METTL15: variants seen among roughly 807,000 people sequenced by gnomAD.
METTL15 encodes methyltransferase 15, mitochondrial 12S rRNA N4-cytidine, also known as 12S rRNA N(4)-cytidine methyltransferase METTL15.
A neutral mutation model predicts 38.3 loss-of-function variants in METTL15; 34 were observed. The ratio of observed to expected loss-of-function variants is 0.89; its 90% confidence interval spans 0.68 to 1.18. The LOEUF is 1.18. Ranked by LOEUF, METTL15 falls within the 50% of genes most tolerant of loss-of-function variation. The probability of loss-of-function intolerance (pLI) is 0.00; values close to 1 mark genes in which losing one functional copy is unlikely to be tolerated. For synonymous variants in METTL15, 162 were observed against 170.9 expected (o/e 0.95, Z 0.41); for missense variants, 438 against 498.4 (o/e 0.88, Z 1.15).
intron 6 of METTL15, among the ~76,000 whole-genome samples, chr11:28,479,421 A>G (rs538757827): frequency 6.6e-6 from 1 of 152,264 alleles, no homozygotes; most frequent in South Asian, 2.1e-4. Flanking sequence ...AGATCTTTGT[A>G]TGGTTCCCAT....
chr11:28,141,154 G>A (rs148630545), intron 3 of METTL15, among the ~76,000 whole-genome samples: 28 of 152,186 alleles, frequency 1.8e-4, no homozygotes, highest in African/African-American at 6.7e-4. Flanking sequence ...GGTTTTTAGC[G>A]GTAATTTGGT....
At chr11:28,473,692 C>T (rs772851534) in intron 6 of METTL15, among the ~76,000 whole-genome samples, 5 of 152,086 alleles carry the variant, frequency 3.3e-5, no homozygotes, top group African/African-American at 7.2e-5. Context: ...ATCCAAACTC[C>T]GCAGGAGATA....
Position 28,449,839 on chromosome 11 carries a change from G to A in METTL15, c.*424+25475G>A, listed in dbSNP as rs541164997. On this transcript the variant is annotated intron_variant and NMD_transcript_variant, in intron 6 of 7. Coordinates refer to the METTL15 transcript ENST00000532947. ...GATGAAAAGGGAGAAGAGCCCAGCC[G>A]AGATCAGCCTTCCAGCTGTTCCTGC... Among the ~76,000 whole-genome samples, 9 of 152,278 alleles carry A rather than the reference G, an allele frequency of 5.9e-5. No individual in the cohort carries two copies. The South Asian group carries it at 6.2e-4, about 11-fold the overall frequency.
chr11:28,402,422 G>T (rs1850638207), intron 5 of METTL15, among the ~76,000 whole-genome samples: 1 of 151,814 alleles, frequency 6.6e-6, no homozygotes, highest in South Asian at 2.1e-4. Flanking sequence ...GTGATTCTCT[G>T]ACTTCAGGAT....
chr11:28,303,918 G>A (rs959326097), intron 6 of METTL15, among the ~76,000 whole-genome samples: 5 of 152,096 alleles, frequency 3.3e-5, no homozygotes, highest in African/African-American at 1.2e-4. Flanking sequence ...GTTTCTGTTT[G>A]TGCCACTTAT....
At chr11:28,505,866 C>T (rs1851623700) in intron 6 of METTL15, among the ~76,000 whole-genome samples, 1 of 152,080 alleles carries the variant, frequency 6.6e-6, no homozygotes, top group Admixed American at 6.5e-5. Flanking sequence ...TAGTATGCTC[C>T]TAGGGTTTCC....
chr11:28,409,023 A>G (rs1850700853), intron 5 of METTL15, among the ~76,000 whole-genome samples: 1 of 152,188 alleles, frequency 6.6e-6, no homozygotes, highest in Non-Finnish European at 1.5e-5. Flanking sequence ...GTTCTTTTTT[A>G]GTACATATGG....
intron 3 of METTL15, among the ~76,000 whole-genome samples, chr11:28,118,288 T>TACTACAAAA (rs1852062316): frequency 1.3e-5 from 2 of 152,248 alleles, no homozygotes; most frequent in African/African-American, 4.8e-5. Context: ...CTATGTAGTT[T>TACTACAAAA]ACTACAGATT....
At chr11:28,224,930 G>A (rs1241713457) in intron 4 of METTL15, among the ~76,000 whole-genome samples, 1 of 151,050 alleles carries the variant, frequency 6.6e-6, no homozygotes, top group African/African-American at 2.4e-5. Context: ...ATTTGATTTT[G>A]CGTCTTCACT....
At chr11:28,178,515 A>G (rs188134840) in intron 3 of METTL15, among the ~76,000 whole-genome samples, 1 of 151,002 alleles carries the variant, frequency 6.6e-6, no homozygotes, top group Non-Finnish European at 1.5e-5. Context: ...TCCAGAAAAT[A>G]TCTACCAGTT....
intron 4 of METTL15, among the ~76,000 whole-genome samples, chr11:28,359,960 G>A (rs939331601): frequency 6.6e-6 from 1 of 152,034 alleles, no homozygotes; most frequent in Non-Finnish European, 1.5e-5. Flanking sequence ...TTACCTGCTG[G>A]GTACAGAACA....
intron 4 of METTL15, among the ~76,000 whole-genome samples, chr11:28,240,219 A>G (rs1040281053): frequency 6.6e-6 from 1 of 152,206 alleles, no homozygotes. Context: ...TATATAACAC[A>G]TTCATTCGTT....
At chr11:28,288,500 A>G (rs765424721) in intron 4 of METTL15, among the ~76,000 whole-genome samples, 8 of 152,326 alleles carry the variant, frequency 5.3e-5, no homozygotes, top group Non-Finnish European at 1.0e-4. Flanking sequence ...GAATGAGAAC[A>G]TGGCCTTTGC....
intron 6 of METTL15, among the ~76,000 whole-genome samples, chr11:28,505,184 A>G (rs1444921298): frequency 1.3e-5 from 2 of 152,030 alleles, no homozygotes; most frequent in Non-Finnish European, 2.9e-5. Flanking sequence ...GTATGTGTGT[A>G]TGTGTGTTTT....
chr11:28,400,821 G>A lies in METTL15; in HGVS notation c.*359-23478G>A, dbSNP rs117556125. Among the ~76,000 whole-genome samples, 8 of 151,958 alleles carry A rather than the reference G, an allele frequency of 5.3e-5. No homozygotes were observed. In the South Asian group the frequency reaches 8.3e-4, roughly 16 times the overall value. On this transcript the variant is annotated intron_variant and NMD_transcript_variant, in intron 5 of 7. Coordinates refer to the METTL15 transcript ENST00000532947. ...CACAACAATGTGTTTTCATAACATC[G>A]AAATTGGAAAAACAAGCAATTTCTC... is the stretch of plus-strand genomic sequence containing the variant.
intron 6 of METTL15, among the ~76,000 whole-genome samples, chr11:28,434,749 G>A (rs1352299600): frequency 1.3e-5 from 2 of 152,188 alleles, no homozygotes; most frequent in Non-Finnish European, 2.9e-5. Context: ...ATCTAGGATA[G>A]GCTCAGCTCA....
chr11:28,220,455 C>G (rs562886750), intron 4 of METTL15, among the ~76,000 whole-genome samples: 2 of 152,172 alleles, frequency 1.3e-5, no homozygotes, highest in African/African-American at 4.8e-5. Context: ...CTATGTGTGT[C>G]TCTGCACATG....
chr11:28,265,713 T>A (rs1855387360), intron 4 of METTL15, among the ~76,000 whole-genome samples: 1 of 152,184 alleles, frequency 6.6e-6, no homozygotes, highest in Admixed American at 6.5e-5. Flanking sequence ...TCGTGCACTG[T>A]CTTCATACAA....
chr11:28,144,917 A>G, intron 3 of METTL15: 1 of 175,068 alleles, frequency 5.7e-6, no homozygotes. Flanking sequence ...GCAATGGTGC[A>G]ATGCTTACTT....
Sources: allele counts gnomAD v4.1 joint callset (sites outside exome capture counted in the v4.1 genomes callset), GRCh38; gene constraint gnomAD v4.1.1; transcripts MANE v1.5; gene names NCBI Gene and HGNC (gene_info 2026-07-23, HGNC 2026-07-21).